Variants in FBXW7 observed in about 807,000 individuals in gnomAD.
FBXW7 encodes the protein F-box/WD repeat-containing protein 7.
Under a neutral mutation model 86.3 loss-of-function variants are expected in FBXW7, and 11 were observed. The ratio of observed to expected loss-of-function variants is 0.13; its 90% confidence interval spans 0.08 to 0.21. The LOEUF (loss-of-function observed/expected upper bound fraction) is 0.21, where lower values mean the gene tolerates loss of function less well. Ranked by LOEUF, FBXW7 falls within the 10% of genes least tolerant of loss-of-function variation. The pLI is 1.00. For missense variants in FBXW7, 488 were observed against 847.4 expected, an observed-to-expected ratio of 0.58 and a Z score of 5.27; for synonymous variants, 313 against 297.9, an observed-to-expected ratio of 1.05 and a Z score of -0.52.
chr4:152,334,259 A>G (rs1729856515), intron 7 of FBXW7, among the ~76,000 whole-genome samples: 1 of 152,198 alleles, frequency 6.6e-6, no homozygotes, highest in Non-Finnish European at 1.5e-5. Context: ...CATTTAAAAT[A>G]AAAAGGTGTA....
chr4:152,362,191 A>C (rs1204625888), intron 4 of FBXW7, among the ~76,000 whole-genome samples: 1 of 152,148 alleles, frequency 6.6e-6, no homozygotes, highest in African/African-American at 2.4e-5. Context: ...GAACAAGTGC[A>C]TATAGCTGTG....
chr4:152,501,288 T>C (rs1378731050), intron 2 of FBXW7, among the ~76,000 whole-genome samples: 1 of 152,212 alleles, frequency 6.6e-6, no homozygotes, highest in Non-Finnish European at 1.5e-5. Context: ...CAAGACAAGT[T>C]CCACTTCCTT....
At chr4:152,526,908 ATG>A (rs1287428454) in intron 2 of FBXW7, among the ~76,000 whole-genome samples, 4 of 152,260 alleles carry the variant, frequency 2.6e-5, no homozygotes, top group Non-Finnish European at 4.4e-5. Flanking sequence ...TAAAATGTTA[ATG>A]AAGTTTTAGA....
intron 4 of FBXW7, among the ~76,000 whole-genome samples, chr4:152,357,185 C>T (rs1030017339): frequency 2.9e-4 from 44 of 152,018 alleles, no homozygotes; most frequent in Admixed American, 1.2e-3. Flanking sequence ...TCTTACTTTA[C>T]TTAAACTTAT....
chr4:152,485,828 CTGAT>C (rs1396360383), intron 2 of FBXW7, among the ~76,000 whole-genome samples: 3 of 152,186 alleles, frequency 2.0e-5, no homozygotes, highest in Non-Finnish European at 4.4e-5. Context: ...AGAAACCAGA[CTGAT>C]TGAGTTCTCG....
intron 4 of FBXW7, chr4:152,352,897 A>G: frequency 6.9e-7 from 1 of 1,441,850 alleles, no homozygotes; most frequent in Non-Finnish European, 9.1e-7. Flanking sequence ...GGTGCAGTCC[A>G]GGATTCAGCA....
chr4:152,387,048 C>G (rs774988857), intron 4 of FBXW7, among the ~76,000 whole-genome samples: 6 of 152,134 alleles, frequency 3.9e-5, no homozygotes, highest in Admixed American at 6.5e-5. Context: ...ATGAGCAGCA[C>G]AAAGATTTTC....
intron 4 of FBXW7, among the ~76,000 whole-genome samples, chr4:152,402,071 G>A (rs1165078903): frequency 6.6e-6 from 1 of 152,138 alleles, no homozygotes; most frequent in Non-Finnish European, 1.5e-5. Flanking sequence ...AAGCAGAGGG[G>A]AGTGGGGGAA....
intron 2 of FBXW7, among the ~76,000 whole-genome samples, chr4:152,527,702 C>T (rs1182712748): frequency 6.6e-6 from 1 of 151,942 alleles, no homozygotes; most frequent in Non-Finnish European, 1.5e-5. Flanking sequence ...ATCACTTGAG[C>T]CCAGGGGGTC....
chr4:152,523,378 A>C (rs998065486), intron 2 of FBXW7, among the ~76,000 whole-genome samples: 8 of 152,244 alleles, frequency 5.3e-5, no homozygotes, highest in Non-Finnish European at 8.8e-5. Flanking sequence ...GGTAGAAAAC[A>C]CAAAATATGA....
intron 2 of FBXW7, among the ~76,000 whole-genome samples, chr4:152,462,225 T>G (rs2149633202): frequency 6.6e-6 from 1 of 152,344 alleles, no homozygotes; most frequent in African/African-American, 2.4e-5. Flanking sequence ...TTTCAGTGTT[T>G]GTTCCCTAAA....
chr4:152,523,481 A>G (rs982102542), intron 2 of FBXW7, among the ~76,000 whole-genome samples: 8 of 152,230 alleles, frequency 5.3e-5, no homozygotes. Flanking sequence ...ATAGAAGAGC[A>G]AAAGAGGAGC....
At chr4:152,533,081 T>C (rs1368418606) in intron 2 of FBXW7, among the ~76,000 whole-genome samples, 1 of 151,886 alleles carries the variant, frequency 6.6e-6, no homozygotes, top group Non-Finnish European at 1.5e-5. Context: ...TCCCAGCTAT[T>C]TGGGAGGCTG....
At chr4:152,400,480 C>T (rs1324066622) in intron 4 of FBXW7, among the ~76,000 whole-genome samples, 1 of 151,734 alleles carries the variant, frequency 6.6e-6, no homozygotes, top group Non-Finnish European at 1.5e-5. Flanking sequence ...TTGCTAAGAT[C>T]ACAGGAACGC....
chr4:152,521,028 T>C (rs753238731), intron 2 of FBXW7, among the ~76,000 whole-genome samples: 2 of 152,044 alleles, frequency 1.3e-5, no homozygotes, highest in African/African-American at 2.4e-5. Flanking sequence ...CCAACCCCCA[T>C]AGAACTTATT....
intron 2 of FBXW7, among the ~76,000 whole-genome samples, chr4:152,452,824 A>C (rs1361265588): frequency 6.6e-6 from 1 of 152,200 alleles, no homozygotes; most frequent in Non-Finnish European, 1.5e-5. Flanking sequence ...TGCAGTAATA[A>C]ATAAATTAGG....
At position 152,392,435 on chromosome 4, in the gene FBXW7, A is replaced by G. The variant is rs578047655; in HGVS notation, c.501+18868T>C. The stretch of plus-strand genomic sequence containing the variant: ...GAAGAAGCCCAAACTAGCCCAGGTA[A>G]AAAGACCGTATTATATAGAGATGTT... On this transcript the variant is annotated intron_variant, in intron 4 of 13. Coordinates refer to ENST00000281708, the MANE Select transcript of FBXW7 (RefSeq NM_001349798.2). Among the ~76,000 whole-genome samples, 3 of 152,168 alleles carry G rather than the reference A, an allele frequency of 2.0e-5. No individual in the cohort carries two copies. In the South Asian group the frequency reaches 6.2e-4, roughly 32 times the overall value.
chr4:152,504,441 T>C (rs187861917), intron 2 of FBXW7, among the ~76,000 whole-genome samples: 1 of 152,120 alleles, frequency 6.6e-6, no homozygotes, highest in Admixed American at 6.5e-5. Context: ...TAACATCCAA[T>C]CTCCTTTTGA....
chr4:152,535,467 G>A lies in FBXW7; in HGVS notation c.-553C>T, dbSNP rs1470249956. ...TGTTCTCTCCGCCGCCCCAGCCGCC[G>A]CTTCACATCGGGGTCCCCGCCCCCC... On this transcript the variant is annotated 5_prime_UTR_variant, in exon 1 of 14. Transcript: ENST00000281708. 1.0e-5 allele frequency: 4 copies of A among 392,996 alleles called. No individual in the cohort carries two copies. Among genetic ancestry groups the A allele is most frequent in the African/African-American group, 6.2e-5 (3 of 48,354 alleles). The allele number at this position is 392,996 out of a possible 1,614,324, so 24.3% of individuals were successfully genotyped here.
Sources: allele counts gnomAD v4.1 joint callset (sites outside exome capture counted in the v4.1 genomes callset), GRCh38; gene constraint gnomAD v4.1.1; transcripts MANE v1.5; gene names NCBI Gene and HGNC (gene_info 2026-07-23, HGNC 2026-07-21).